TBC1D22A: variants seen among roughly 807,000 people sequenced by gnomAD.
TBC1D22A encodes the protein TBC1 domain family member 22A.
Under a neutral mutation model 60.2 loss-of-function variants are expected in TBC1D22A, and 38 were observed. The ratio of observed to expected loss-of-function variants is 0.63; its 90% CI spans 0.49 to 0.83. The LOEUF is 0.83. Among genes scored for constraint, TBC1D22A ranks in the 40% least tolerant of loss-of-function variants. TBC1D22A has a pLI of 0.00. For missense variants in TBC1D22A, 628 were observed against 701.0 expected, an observed-to-expected ratio of 0.90 and a Z score of 1.18; for synonymous variants, 302 against 281.7, an observed-to-expected ratio of 1.07 and a Z score of -0.72.
At chr22:47,033,993 C>T (rs981882233) in intron 10 of TBC1D22A, among the ~76,000 whole-genome samples, 5 of 152,172 alleles carry the variant, frequency 3.3e-5, no homozygotes, top group African/African-American at 9.7e-5. Context: ...GATGAGCAGC[C>T]GTGGGATTAA....
intron 11 of TBC1D22A, among the ~76,000 whole-genome samples, chr22:47,102,932 C>A (rs867685444): frequency 7.2e-5 from 11 of 152,184 alleles, no homozygotes; most frequent in South Asian, 4.1e-4. Flanking sequence ...AATTACCAAT[C>A]ACGTGCTACT....
chr22:46,869,413 A>G (rs923711254), intron 4 of TBC1D22A, among the ~76,000 whole-genome samples: 5 of 152,316 alleles, frequency 3.3e-5, no homozygotes, highest in Non-Finnish European at 7.4e-5. Context: ...AACTGGGTTT[A>G]ATCACTCCCT....
chr22:46,877,910 G>A (rs1407669548), intron 4 of TBC1D22A, among the ~76,000 whole-genome samples: 2 of 152,180 alleles, frequency 1.3e-5, no homozygotes, highest in African/African-American at 2.4e-5. Flanking sequence ...GGAATGCAGG[G>A]CCCACAGCCT....
intron 4 of TBC1D22A, among the ~76,000 whole-genome samples, chr22:46,820,211 G>T (rs112118776): frequency 6.6e-6 from 1 of 151,934 alleles, no homozygotes; most frequent in African/African-American, 2.4e-5. Flanking sequence ...TTTTTGGAGG[G>T]TTTTTTGTGT....
chr22:46,944,145 A>T (rs374092532), intron 8 of TBC1D22A, among the ~76,000 whole-genome samples: 2 of 152,180 alleles, frequency 1.3e-5, no homozygotes, highest in Admixed American at 6.5e-5. Context: ...TCCATTTACC[A>T]TCCCATCAGC....
intron 1 of TBC1D22A, among the ~76,000 whole-genome samples, chr22:46,774,680 C>T (rs1308078217): frequency 6.6e-6 from 1 of 152,322 alleles, no homozygotes; most frequent in African/African-American, 2.4e-5. Context: ...CCCCGAGCTC[C>T]TAGGGGAACG....
At chr22:46,919,795 C>T (rs919915575) in intron 8 of TBC1D22A, among the ~76,000 whole-genome samples, 1 of 149,622 alleles carries the variant, frequency 6.7e-6, no homozygotes, top group Non-Finnish European at 1.5e-5. Context: ...AGTTCTGCCT[C>T]TTACTCTCAA....
chr22:46,894,211 T>G (rs1245928422), intron 6 of TBC1D22A, among the ~76,000 whole-genome samples: 1 of 152,190 alleles, frequency 6.6e-6, no homozygotes, highest in African/African-American at 2.4e-5. Flanking sequence ...TTTGGTTGCT[T>G]CTTGAACCAC....
At chr22:47,097,913 C>A (rs2065247693) in intron 11 of TBC1D22A, among the ~76,000 whole-genome samples, 1 of 152,100 alleles carries the variant, frequency 6.6e-6, no homozygotes, top group African/African-American at 2.4e-5. Context: ...AATACCCTTT[C>A]ATCTGTTTAC....
At chr22:47,046,105 G>A (rs1045936656) in intron 11 of TBC1D22A, among the ~76,000 whole-genome samples, 5 of 152,196 alleles carry the variant, frequency 3.3e-5, no homozygotes, top group African/African-American at 1.2e-4. Context: ...GCCTCTGGGT[G>A]ATGTGAGGTG....
chr22:47,033,147 G>A (rs935996750), intron 10 of TBC1D22A, among the ~76,000 whole-genome samples: 1 of 152,230 alleles, frequency 6.6e-6, no homozygotes, highest in African/African-American at 2.4e-5. Context: ...TGCGCTGGGG[G>A]CAGCAGAGTC....
intron 3 of TBC1D22A, among the ~76,000 whole-genome samples, chr22:46,796,503 T>A (rs2084660081): frequency 6.6e-6 from 1 of 152,148 alleles, no homozygotes; most frequent in African/African-American, 2.4e-5. Flanking sequence ...ATTTTCAGTT[T>A]TTGAAAAATG....
At chr22:46,962,332 C>A (rs1366622749) in intron 8 of TBC1D22A, among the ~76,000 whole-genome samples, 1 of 151,746 alleles carries the variant, frequency 6.6e-6, no homozygotes, top group Non-Finnish European at 1.5e-5. Context: ...TTTACCTTGC[C>A]AGTGAGCAGA....
intron 11 of TBC1D22A, among the ~76,000 whole-genome samples, chr22:47,070,479 C>G (rs879070785): frequency 7.5e-6 from 1 of 132,790 alleles, no homozygotes; most frequent in Non-Finnish European, 1.6e-5. Flanking sequence ...GCTGACCTGA[C>G]GGTTCCAGGC....
At chr22:46,903,747 G>C (rs544609456) in intron 7 of TBC1D22A, among the ~76,000 whole-genome samples, 3 of 152,302 alleles carry the variant, frequency 2.0e-5, no homozygotes, top group African/African-American at 7.2e-5. Flanking sequence ...CAGTGGACGG[G>C]GGTGGAAAGG....
At chr22:46,888,224 C>T (rs185481558) in intron 5 of TBC1D22A, among the ~76,000 whole-genome samples, 5 of 152,332 alleles carry the variant, frequency 3.3e-5, no homozygotes, top group Non-Finnish European at 4.4e-5. Context: ...GATGGCTTAG[C>T]CGTGTAGCTT....
At position 46,765,026 on chromosome 22, in the gene TBC1D22A, C is replaced by T. The variant is rs1010694337; in HGVS notation, c.62+2178C>T. Among the ~76,000 whole-genome samples, 5 of 152,206 alleles carry T rather than the reference C, an allele frequency of 3.3e-5. No individual in the cohort carries two copies. The East Asian group carries it at 5.8e-4, about 18-fold the overall frequency. ...TTTCTTCTGTGTGAACCTGAAATAC[C>T]GAACACCAGCTTTCCTTTTCCTCTG... is the stretch of plus-strand genomic sequence containing the variant. On this transcript the variant is annotated intron_variant, in intron 1 of 12. Coordinates refer to ENST00000337137, the MANE Select transcript of TBC1D22A (RefSeq NM_014346.5).
At chr22:46,946,639 T>C (rs901215094) in intron 8 of TBC1D22A, among the ~76,000 whole-genome samples, 2 of 152,232 alleles carry the variant, frequency 1.3e-5, no homozygotes, top group Non-Finnish European at 2.9e-5. Flanking sequence ...GTGCGGGCAC[T>C]GGGCTCCTGT....
At chr22:46,915,349 A>T (rs1483033453) in intron 8 of TBC1D22A, 1 of 453,928 alleles carries the variant, frequency 2.2e-6, no homozygotes, top group Non-Finnish European at 4.4e-6. Context: ...TAAACCTCAG[A>T]TGCTCTGCTT....
Sources: gnomAD v4.1 joint callset for allele counts (sites outside exome capture counted in the v4.1 genomes callset) on GRCh38, gnomAD v4.1.1 for gene constraint, MANE v1.5 for transcripts, NCBI Gene and HGNC (gene_info 2026-07-23, HGNC 2026-07-21) for gene names.